Variants in SCYL2 observed in about 807,000 individuals in gnomAD.
SCYL2 encodes the protein SCY1 like pseudokinase 2, also known as SCY1-like protein 2.
Under a neutral mutation model 100.4 loss-of-function variants are expected in SCYL2, and 36 were observed. That is an observed-to-expected ratio of 0.36 (90% CI 0.27 to 0.47). The LOEUF (loss-of-function observed/expected upper bound fraction) is 0.47. Ranked by LOEUF, SCYL2 falls within the 20% of genes least tolerant of loss-of-function variation. SCYL2 has a pLI of 1.00. For missense variants in SCYL2, 902 were observed against 1,083.9 expected (o/e 0.83, Z 2.36); for synonymous variants, 330 against 359.2 (o/e 0.92, Z 0.92).
intron 4 of SCYL2, among the ~76,000 whole-genome samples, chr12:100,305,549 G>A (rs1366355692): frequency 8.5e-5 from 13 of 152,114 alleles, no homozygotes; most frequent in Admixed American, 8.5e-4. Flanking sequence ...ACAGGAGAAA[G>A]CAGAAAAGAT....
intron 1 of SCYL2, among the ~76,000 whole-genome samples, chr12:100,271,975 T>A (rs1248360541): frequency 6.6e-6 from 1 of 152,198 alleles, no homozygotes; most frequent in Non-Finnish European, 1.5e-5. Context: ...AGCTACCTGC[T>A]GTCAGATGCT....
At chr12:100,285,412 T>C (rs1444313630) in intron 2 of SCYL2, among the ~76,000 whole-genome samples, 1 of 152,270 alleles carries the variant, frequency 6.6e-6, no homozygotes, top group Non-Finnish European at 1.5e-5. Context: ...CATTCTTGTA[T>C]GTGCCATTGG....
intron 4 of SCYL2, among the ~76,000 whole-genome samples, chr12:100,303,760 T>A (rs1297633567): frequency 6.6e-6 from 1 of 152,184 alleles, no homozygotes; most frequent in Non-Finnish European, 1.5e-5. Context: ...GATGAGGCAG[T>A]CTGTCCCTTA....
chr12:100,276,488 A>G (rs1427288224), intron 1 of SCYL2, among the ~76,000 whole-genome samples: 14 of 152,006 alleles, frequency 9.2e-5, no homozygotes. Context: ...ACACACCACT[A>G]TGCCCTGCAC....
chr12:100,317,638 G>A (rs1453947558), intron 9 of SCYL2, 165 bp from the exon 10 acceptor site: 1 of 1,398,288 alleles, frequency 7.2e-7, no homozygotes, highest in Non-Finnish European at 9.3e-7. Context: ...CTCCAGAAAT[G>A]TAAGAGACTT....
intron 1 of SCYL2, among the ~76,000 whole-genome samples, chr12:100,281,621 CAGG>C (rs939631469): frequency 6.6e-6 from 1 of 152,082 alleles, no homozygotes; most frequent in African/African-American, 2.4e-5. Flanking sequence ...ATCACAAGGT[CAGG>C]AGATCGAGAC....
chr12:100,275,089 A>G (rs1489688868), intron 1 of SCYL2, among the ~76,000 whole-genome samples: 1 of 152,124 alleles, frequency 6.6e-6, no homozygotes, highest in Admixed American at 6.5e-5. Context: ...TTTTGTTTTC[A>G]TTGTATAGAT....
chr12:100,296,383 G>A (rs544898123), intron 3 of SCYL2, among the ~76,000 whole-genome samples: 18 of 152,086 alleles, frequency 1.2e-4, no homozygotes, highest in South Asian at 2.1e-4. Context: ...TCACTTACAG[G>A]CAGTAATTAA....
intron 5 of SCYL2, among the ~76,000 whole-genome samples, chr12:100,311,914 G>T (rs1225139725): frequency 2.0e-5 from 3 of 152,138 alleles, no homozygotes; most frequent in African/African-American, 7.2e-5. Context: ...GAGGGCCTGT[G>T]ATTTGACCTA....
At chr12:100,287,832 A>G (rs1301144361) in intron 2 of SCYL2, among the ~76,000 whole-genome samples, 1 of 152,198 alleles carries the variant, frequency 6.6e-6, no homozygotes, top group African/African-American at 2.4e-5. Context: ...AAAATATTTT[A>G]ATTAAAGATG....
chr12:100,294,164 C>T (rs1255715090), intron 3 of SCYL2, among the ~76,000 whole-genome samples: 1 of 145,720 alleles, frequency 6.9e-6, no homozygotes, highest in African/African-American at 2.5e-5. Context: ...GGGGCTGACT[C>T]CCCCACCTCC....
chr12:100,334,122 C>A, intron 13 of SCYL2, 44 bp from the exon 14 acceptor site: 1 of 1,109,906 alleles, frequency 9.0e-7, no homozygotes, highest in Non-Finnish European at 1.4e-6. Context: ...ACATTTGCTG[C>A]TAACTTGAAA....
chr12:100,291,424 AT>A, intron 2 of SCYL2, 78 bp from the exon 3 acceptor site: 2 of 968,168 alleles, frequency 2.1e-6, no homozygotes, highest in Admixed American at 3.0e-5. Context: ...TGGCATAGTT[AT>A]TTGTAGATTG....
At chr12:100,323,810 T>G (rs933491170) in intron 11 of SCYL2, 172 bp downstream of exon 11, 17 of 427,348 alleles carry the variant, frequency 4.0e-5, no homozygotes, top group Non-Finnish European at 5.7e-5. Context: ...ATACATAATT[T>G]ATAATATTGC....
intron 4 of SCYL2, among the ~76,000 whole-genome samples, chr12:100,308,892 T>C (rs1234579700): frequency 6.6e-6 from 1 of 152,096 alleles, no homozygotes; most frequent in African/African-American, 2.4e-5. Context: ...CTGAGATCAA[T>C]ATAAAGTCTC....
intron 4 of SCYL2, among the ~76,000 whole-genome samples, chr12:100,303,890 G>A (rs747732933): frequency 1.1e-4 from 16 of 152,282 alleles, no homozygotes; most frequent in Admixed American, 2.0e-4. Context: ...CTCTGTCTCA[G>A]GGAAATGGGA....
intron 3 of SCYL2, among the ~76,000 whole-genome samples, chr12:100,294,435 C>T (rs1338080722): frequency 1.9e-5 from 1 of 52,692 alleles, no homozygotes. Flanking sequence ...CGGGGGGGCT[C>T]CTCACTTCCC....
intron 2 of SCYL2, among the ~76,000 whole-genome samples, chr12:100,287,336 G>A (rs10860573): frequency 0.22 from 33,402 of 151,856 alleles, 4,109 homozygotes; most frequent in African/African-American, 0.31. Context: ...CTCAGGCTGG[G>A]GTGCAATGAC....
At chr12:100,324,053 T>C (rs1329373250) in intron 11 of SCYL2, among the ~76,000 whole-genome samples, 1 of 152,154 alleles carries the variant, frequency 6.6e-6, no homozygotes, top group Non-Finnish European at 1.5e-5. Context: ...TCTCACTGAC[T>C]TGCCCACTTC....
Sources: gnomAD v4.1 joint callset for allele counts (sites outside exome capture counted in the v4.1 genomes callset) on GRCh38, gnomAD v4.1.1 for gene constraint, MANE v1.5 for transcripts, NCBI Gene and HGNC (gene_info 2026-07-23, HGNC 2026-07-21) for gene names.